The following CLHC1 variants were observed in gnomAD, a reference collection of about 807,000 sequenced individuals.
CLHC1 encodes clathrin heavy chain linker domain-containing protein 1.
Under a neutral mutation model 69.5 loss-of-function variants are expected in CLHC1, and 72 were observed. The observed-to-expected ratio is 1.04, with a 90% CI of 0.86 to 1.26. The LOEUF (loss-of-function observed/expected upper bound fraction) is 1.26. Ranked by LOEUF, CLHC1 falls within the 50% of genes most tolerant of loss-of-function variation. The pLI, the probability that CLHC1 is intolerant of heterozygous loss-of-function variation, is 0.00. For missense variants in CLHC1, 790 were observed against 679.3 expected, an observed-to-expected ratio of 1.16 and a Z score of -1.81; for synonymous variants, 223 against 224.3, an observed-to-expected ratio of 0.99 and a Z score of 0.05.
At chr2:55,229,689 C>A (rs1425064606) in intron 1 of CLHC1, among the ~76,000 whole-genome samples, 3 of 152,230 alleles carry the variant, frequency 2.0e-5, no homozygotes, top group Non-Finnish European at 4.4e-5. Flanking sequence ...AACAGCCTCA[C>A]TTGTAAGAAT....
chr2:55,201,573 C>G (rs1204049407), intron 9 of CLHC1, among the ~76,000 whole-genome samples: 4 of 152,076 alleles, frequency 2.6e-5, no homozygotes, highest in Non-Finnish European at 5.9e-5. Context: ...TCACTTCTGA[C>G]TCTACCAAAC....
At chr2:55,190,597 T>A (rs1670834080) in intron 9 of CLHC1, among the ~76,000 whole-genome samples, 1 of 152,082 alleles carries the variant, frequency 6.6e-6, no homozygotes, top group South Asian at 2.1e-4. Context: ...AAAACTACAA[T>A]GTCTGAAATG....
intron 9 of CLHC1, among the ~76,000 whole-genome samples, chr2:55,203,682 T>C (rs1438150815): frequency 6.6e-6 from 1 of 152,114 alleles, no homozygotes; most frequent in East Asian, 1.9e-4. Flanking sequence ...AATATTTAAA[T>C]CTAAGACCTC....
chr2:55,196,401 G>C (rs780091712), intron 9 of CLHC1, among the ~76,000 whole-genome samples: 1 of 152,192 alleles, frequency 6.6e-6, no homozygotes, highest in Non-Finnish European at 1.5e-5. Flanking sequence ...AACCCAGAGA[G>C]TGCAGCTCAC....
At chr2:55,225,751 C>G (rs543083302) in intron 2 of CLHC1, 1 of 152,600 alleles carries the variant, frequency 6.6e-6, no homozygotes, top group East Asian at 1.9e-4. Flanking sequence ...CTCCAGGCTC[C>G]CCATCTCCCT....
intron 9 of CLHC1, among the ~76,000 whole-genome samples, chr2:55,191,608 G>A (rs951744724): frequency 2.0e-5 from 3 of 152,106 alleles, no homozygotes; most frequent in Non-Finnish European, 4.4e-5. Context: ...TAGATGTGTA[G>A]TGTTTTTATT....
intron 1 of CLHC1, among the ~76,000 whole-genome samples, chr2:55,229,432 T>C (rs1675048859): frequency 6.6e-6 from 1 of 151,856 alleles, no homozygotes. Flanking sequence ...GGCCTCAGGG[T>C]GGGACAACAC....
At chr2:55,199,296 C>CAA (rs57570449) in intron 9 of CLHC1, among the ~76,000 whole-genome samples, 78 of 70,910 alleles carry the variant, frequency 1.1e-3, no homozygotes, top group African/African-American at 1.9e-3. Context: ...GACTCCATCT[C>CAA]AAAAAAAAAA....
At chr2:55,197,045 T>C (rs948242623) in intron 9 of CLHC1, among the ~76,000 whole-genome samples, 3 of 152,068 alleles carry the variant, frequency 2.0e-5, no homozygotes, top group Non-Finnish European at 2.9e-5. Context: ...GACTGAACAT[T>C]GGTGGTAGCC....
intron 2 of CLHC1, among the ~76,000 whole-genome samples, chr2:55,226,510 CTTAATA>C (rs1457800864): frequency 6.6e-6 from 1 of 152,068 alleles, no homozygotes; most frequent in African/African-American, 2.4e-5. Flanking sequence ...ATTTTTTTCA[CTTAATA>C]TTAAAAGCAC....
At position 55,174,223 on chromosome 2, in the gene CLHC1, G is replaced by C. The variant is rs929096101; in HGVS notation, c.*1567C>G. On this transcript the variant is annotated 3_prime_UTR_variant, in exon 13 of 13. Transcript: ENST00000401408. Reference sequence around the variant, plus strand: ...ACATGTATTACTTTAAAAATGCTACGTTTTAGAAAGCTGAATTATAATTAT... The same window carrying C: ...ACATGTATTACTTTAAAAATGCTACCTTTTAGAAAGCTGAATTATAATTAT... 1.3e-5 allele frequency among the ~76,000 whole-genome samples: 2 copies of C among 152,174 alleles called. No homozygotes were observed. Among genetic ancestry groups the C allele is most frequent in the African/African-American group, 2.4e-5 (1 of 41,516 alleles).
In CLHC1 at chr2:55,177,722, T is replaced by C. The variant is rs780985757; in HGVS notation, c.1444A>G (p.Lys482Glu). The stretch of plus-strand genomic sequence containing the variant: ...GATGGTTGTTTCTCATTCAACTCTT[T>C]AGTGAGACACTGAATTAATTCAACT... ...PQVELIQCLT[K>E]ELNEKQPSLS... The change falls in exon 12 of 13, where the codon AAA becomes GAA. Residue 482 changes from lysine (K) to glutamate (E), a missense_variant. Physicochemically the swap from Lys to Glu is moderately conservative, Grantham distance 56. Transcript: ENST00000401408. The C allele has an allele frequency of 7.4e-6, 12 of 1,613,010 alleles. No individual in the cohort carries two copies. The highest frequency in any genetic ancestry group is 9.3e-6 in the Non-Finnish European group (11 of 1,179,272).
intron 9 of CLHC1, among the ~76,000 whole-genome samples, chr2:55,195,222 C>T (rs912396388): frequency 2.0e-5 from 3 of 152,184 alleles, no homozygotes; most frequent in African/African-American, 4.8e-5. Flanking sequence ...TACCACCATT[C>T]CACTCTCCGC....
chr2:55,180,757 T>A, intron 10 of CLHC1, 45 bp from the exon 11 acceptor site: 1 of 1,477,442 alleles, frequency 6.8e-7, no homozygotes, highest in Non-Finnish European at 9.5e-7. Flanking sequence ...AAATTCCTGA[T>A]GAGTGGCTGA....
In CLHC1 at chr2:55,175,983, G is replaced by T; in HGVS notation, c.1568C>A (p.Ala523Glu). The T allele has an allele frequency of 6.2e-7, 1 of 1,611,102 alleles. No individual in the cohort carries two copies. Among genetic ancestry groups the T allele is most frequent in the Non-Finnish European group, 8.5e-7 (1 of 1,177,802 alleles). ...LQEINKGGID[A>E]VESLMINDSF... ...ATCATTTATCATAAGACTTTCTACT[G>T]CATCTGTGGGGAAAAAATACAATAT... is the stretch of plus-strand genomic sequence containing the variant. Residue 523 changes from alanine to glutamate, a missense_variant, in exon 13 of 13, where the codon GCA becomes GAA. Coordinates refer to ENST00000401408, the MANE Select transcript of CLHC1 (RefSeq NM_152385.4).
intron 9 of CLHC1, among the ~76,000 whole-genome samples, chr2:55,203,846 G>A (rs982813630): frequency 2.6e-5 from 4 of 152,112 alleles, no homozygotes; most frequent in African/African-American, 9.7e-5. Context: ...TGCACAGAAA[G>A]GATACAATCA....
At chr2:55,225,821 G>C (rs1435721222) in intron 2 of CLHC1, 1 of 152,262 alleles carries the variant, frequency 6.6e-6, no homozygotes, top group African/African-American at 2.4e-5. Context: ...TGTCTGCTTA[G>C]ATTTCTGAGA....
In CLHC1 at chr2:55,222,297, C is replaced by A. The variant is rs1674206120; in HGVS notation, c.115G>T (p.Gly39Cys). The change falls in exon 3 of 13, where the codon GGC (glycine) becomes TGC (cysteine). Residue 39 changes from glycine to cysteine, a missense_variant. Coordinates refer to ENST00000401408, the MANE Select transcript of CLHC1 (RefSeq NM_152385.4). ...RYIITETERLGCSEEGPADEY... is the reference protein window; with the variant it reads ...RYIITETERLCCSEEGPADEY... Reference sequence around the variant, plus strand: ...TCAGCAGGTCCTTCCTCACTACAGCCCAGTCTTTCAGTTTCTGTAATTATG... The same window carrying A: ...TCAGCAGGTCCTTCCTCACTACAGCACAGTCTTTCAGTTTCTGTAATTATG... 1 of 1,613,580 alleles carries A rather than the reference C, an allele frequency of 6.2e-7. No individual in the cohort carries two copies. The highest frequency in any genetic ancestry group is 1.3e-5 in the African/African-American group (1 of 74,902).
chr2:55,229,868 G>C (rs900114521), intron 1 of CLHC1, among the ~76,000 whole-genome samples: 1 of 152,206 alleles, frequency 6.6e-6, no homozygotes, highest in African/African-American at 2.4e-5. Context: ...GACGTCGGGA[G>C]TTCCAGACCA....
Sources: gnomAD v4.1 joint callset for allele counts (sites outside exome capture counted in the v4.1 genomes callset) on GRCh38, gnomAD v4.1.1 for gene constraint, MANE v1.5 for transcripts, NCBI Gene and HGNC (gene_info 2026-07-23, HGNC 2026-07-21) for gene names.